CLSTN2: variants seen among roughly 807,000 people sequenced by gnomAD.
The protein encoded by CLSTN2 is calsyntenin-2.
Under a neutral mutation model 101.2 loss-of-function variants are expected in CLSTN2, and 48 were observed. The ratio of observed to expected loss-of-function variants is 0.47; its 90% confidence interval spans 0.38 to 0.60. The LOEUF (loss-of-function observed/expected upper bound fraction) is 0.60. CLSTN2 is among the 20% of genes least tolerant of loss of function. The pLI is 0.00. For synonymous variants in CLSTN2, 481 were observed against 463.6 expected (o/e 1.04, Z -0.48); for missense variants, 1,160 against 1,238.2 (o/e 0.94, Z 0.95).
chr3:140,156,647 G>A lies in CLSTN2; in HGVS notation c.110-19304G>A, dbSNP rs187708817. On this transcript the variant is annotated intron_variant, in intron 1 of 16. Coordinates refer to ENST00000458420, the MANE Select transcript of CLSTN2 (RefSeq NM_022131.3). The stretch of plus-strand genomic sequence containing the variant: ...TGTGGGGATACTGAGGCATACTAAA[G>A]CAGACCTTCTCCTCGAAGAGGTGAG... Among the ~76,000 whole-genome samples, 89 of 152,318 alleles carry A rather than the reference G, an allele frequency of 5.8e-4. 2 individuals are homozygous for A. The East Asian group carries it at 0.011, about 19-fold the overall frequency.
intron 8 of CLSTN2, among the ~76,000 whole-genome samples, chr3:140,521,827 A>C (rs980584477): frequency 6.6e-6 from 1 of 152,184 alleles, no homozygotes; most frequent in Non-Finnish European, 1.5e-5. Flanking sequence ...TGGAATTCCA[A>C]GCCAGTGGGT....
intron 1 of CLSTN2, among the ~76,000 whole-genome samples, chr3:139,936,166 C>T (rs996183691): frequency 6.6e-6 from 1 of 152,194 alleles, no homozygotes; most frequent in Non-Finnish European, 1.5e-5. Flanking sequence ...CTTGACCTCC[C>T]CGCGCCTCCC....
chr3:140,414,105 A>G (rs1203651257), intron 4 of CLSTN2, among the ~76,000 whole-genome samples: 1 of 152,120 alleles, frequency 6.6e-6, no homozygotes, highest in East Asian at 1.9e-4. Context: ...GAATAAGTAA[A>G]ATTGTCTGTT....
chr3:140,473,168 A>G (rs1933895262), intron 8 of CLSTN2, among the ~76,000 whole-genome samples: 1 of 152,154 alleles, frequency 6.6e-6, no homozygotes, highest in African/African-American at 2.4e-5. Flanking sequence ...CCAGCACTGC[A>G]CCCACTGCCT....
At chr3:140,188,553 C>T (rs536486023) in intron 2 of CLSTN2, among the ~76,000 whole-genome samples, 1 of 152,252 alleles carries the variant, frequency 6.6e-6, no homozygotes, top group Admixed American at 6.5e-5. Flanking sequence ...TCACCATGCA[C>T]ATGCTTAAGG....
chr3:139,935,602 T>A lies in CLSTN2; in HGVS notation c.109+119T>A, dbSNP rs9821708. 6.4e-5 allele frequency: 30 copies of A among 470,286 alleles called. No homozygotes were observed. Among genetic ancestry groups the A allele is most frequent in the African/African-American group, 6.0e-4 (30 of 49,850 alleles). 29.1% of individuals were successfully genotyped at this position (470,286 alleles called of 1,614,324 possible). The stretch of plus-strand genomic sequence containing the variant: ...CCCACCCTCCCTTGCCGCAGCTTCT[T>A]TGGCCTCTGTGCGCCCTGGATTCCC... On this transcript the variant is annotated intron_variant, in intron 1 of 16. Transcript: ENST00000458420. This position sits in a 1 kb window ranked among gnomAD's most constrained non-coding sequence, Gnocchi z 5.5.
chr3:139,944,354 C>G (rs1322176971), intron 1 of CLSTN2, among the ~76,000 whole-genome samples: 1 of 152,180 alleles, frequency 6.6e-6, no homozygotes, highest in Admixed American at 6.5e-5. Flanking sequence ...ATGCCCAGAA[C>G]CCATCCCAGA....
intron 1 of CLSTN2, among the ~76,000 whole-genome samples, chr3:140,150,880 G>A (rs1447073024): frequency 6.6e-6 from 1 of 152,020 alleles, no homozygotes; most frequent in Non-Finnish European, 1.5e-5. Flanking sequence ...ACATAAGATA[G>A]GTGCTCAGCC....
At chr3:140,412,333 G>C (rs927925358) in intron 4 of CLSTN2, among the ~76,000 whole-genome samples, 12 of 152,086 alleles carry the variant, frequency 7.9e-5, no homozygotes, top group African/African-American at 2.9e-4. Flanking sequence ...AGTTTTAATT[G>C]TTGGCTTTAA....
At chr3:140,548,582 A>C (rs932165250) in intron 10 of CLSTN2, among the ~76,000 whole-genome samples, 5 of 152,196 alleles carry the variant, frequency 3.3e-5, no homozygotes, top group Admixed American at 2.6e-4. Flanking sequence ...CAGTAGTGGA[A>C]AGGGGATGGG....
At chr3:140,411,771 A>G (rs925043933) in intron 4 of CLSTN2, among the ~76,000 whole-genome samples, 4 of 152,240 alleles carry the variant, frequency 2.6e-5, no homozygotes, top group African/African-American at 7.2e-5. Context: ...GAATTCACCC[A>G]TAAGGATCCC....
chr3:140,478,535 G>A (rs1477549609), intron 8 of CLSTN2, among the ~76,000 whole-genome samples: 1 of 152,132 alleles, frequency 6.6e-6, no homozygotes, highest in Admixed American at 6.5e-5. Context: ...CATAAAAGGT[G>A]ATTTGTAGAG....
chr3:140,554,756 G>A (rs1382382024), intron 10 of CLSTN2, among the ~76,000 whole-genome samples: 1 of 152,148 alleles, frequency 6.6e-6, no homozygotes, highest in Non-Finnish European at 1.5e-5. Context: ...TGGGAAACTG[G>A]TTTTAAAGAT....
intron 1 of CLSTN2, among the ~76,000 whole-genome samples, chr3:139,994,206 T>C (rs1349811604): frequency 6.6e-6 from 1 of 152,232 alleles, no homozygotes; most frequent in East Asian, 1.9e-4. Context: ...GTTCAGGTCT[T>C]GGGTTTGGGC....
In CLSTN2 at chr3:140,510,760, G is replaced by C. The variant is rs146937781; in HGVS notation, c.1345-21564G>C. 1.6e-3 allele frequency among the ~76,000 whole-genome samples: 246 copies of C among 152,286 alleles called. 4 individuals carry two copies. Among genetic ancestry groups the C allele is most frequent in the African/African-American group, 5.6e-3 (234 of 41,552 alleles). On this transcript the variant is annotated intron_variant, in intron 8 of 16. Transcript: ENST00000458420. Reference sequence around the variant, plus strand: ...AGTTTGGAAGTGCAGGCAACCTCCTGGGAAGATCTTGAATAGATTTGCAAA... The same window carrying C: ...AGTTTGGAAGTGCAGGCAACCTCCTCGGAAGATCTTGAATAGATTTGCAAA...
chr3:140,351,693 G>C (rs2087608338), intron 2 of CLSTN2, among the ~76,000 whole-genome samples: 1 of 152,196 alleles, frequency 6.6e-6, no homozygotes, highest in Admixed American at 6.5e-5. Context: ...CATTTGTCCT[G>C]CAGGCTCTAG....
intron 7 of CLSTN2, among the ~76,000 whole-genome samples, chr3:140,461,628 C>T (rs7622486): frequency 0.028 from 4,192 of 152,188 alleles, 191 homozygotes; most frequent in African/African-American, 0.095. Context: ...GCTATTGCAC[C>T]AGTGGTCCTC....
At chr3:140,190,910 C>G (rs1488092660) in intron 2 of CLSTN2, among the ~76,000 whole-genome samples, 1 of 151,760 alleles carries the variant, frequency 6.6e-6, no homozygotes, top group African/African-American at 2.4e-5. Context: ...GTTTTATTTC[C>G]TTTTTATTGT....
intron 9 of CLSTN2, among the ~76,000 whole-genome samples, chr3:140,540,854 CAAATG>C (rs1351995318): frequency 6.6e-6 from 1 of 152,214 alleles, no homozygotes; most frequent in East Asian, 1.9e-4. Flanking sequence ...CCCCACCTCT[CAAATG>C]AAAGGAATCT....
Sources: allele counts gnomAD v4.1 joint callset (sites outside exome capture counted in the v4.1 genomes callset), GRCh38; gene constraint gnomAD v4.1.1; non-coding constraint Gnocchi (gnomAD v3.1); transcripts MANE v1.5; gene names NCBI Gene and HGNC (gene_info 2026-07-23, HGNC 2026-07-21).